SCN10A: variants seen among roughly 807,000 people sequenced by gnomAD.
SCN10A encodes sodium voltage-gated channel alpha subunit 10.
In SCN10A, 162 loss-of-function variants were observed where a neutral mutation model predicts 170.7. That is an observed-to-expected ratio of 0.95 (90% CI 0.84 to 1.08). The LOEUF (loss-of-function observed/expected upper bound fraction) is 1.08, where lower values mean the gene tolerates loss of function less well. Ranked by LOEUF, SCN10A falls within the 50% of genes least tolerant of loss-of-function variation. The pLI is 0.00. For synonymous variants in SCN10A, 985 were observed against 904.6 expected (o/e 1.09, Z -1.59); for missense variants, 2,527 against 2,436.9 (o/e 1.04, Z -0.78).
intron 27 of SCN10A, among the ~76,000 whole-genome samples, chr3:38,699,262 T>C (rs1210411401): frequency 6.6e-6 from 1 of 150,884 alleles, no homozygotes; most frequent in East Asian, 1.9e-4. Flanking sequence ...TGGAGATAGG[T>C]TTTTTTGGGG....
At chr3:38,781,744 G>A (rs1414843542) in intron 4 of SCN10A, among the ~76,000 whole-genome samples, 4 of 152,122 alleles carry the variant, frequency 2.6e-5, no homozygotes, top group Non-Finnish European at 4.4e-5. Flanking sequence ...TAATAAAGAT[G>A]TGTTTGAGCC....
At chr3:38,774,667 T>A (rs1236667595) in intron 4 of SCN10A, among the ~76,000 whole-genome samples, 1 of 152,232 alleles carries the variant, frequency 6.6e-6, no homozygotes, top group Non-Finnish European at 1.5e-5. Flanking sequence ...TCTGAATGGA[T>A]CACTGAGATA....
At position 38,696,946 on chromosome 3, in the gene SCN10A, CTGTA is replaced by C. The variant is rs1228421365; in HGVS notation, c.*399_*402del. Reference sequence around the variant, plus strand: ...AAATCCTAAATAATATTGCCAATCTCTGTATGGTGCTCCACAGAGGACTACCTTG... The same window carrying C: ...AAATCCTAAATAATATTGCCAATCTCTGGTGCTCCACAGAGGACTACCTTG... On this transcript the variant is annotated 3_prime_UTR_variant, in exon 28 of 28. Coordinates refer to ENST00000449082, the MANE Select transcript of SCN10A (RefSeq NM_006514.4). 6 of 212,324 alleles carry C rather than the reference CTGTA, an allele frequency of 2.8e-5. No individual in the cohort carries two copies. The highest frequency in any genetic ancestry group is 1.1e-4 in the African/African-American group (5 of 44,574). 13.2% of individuals were successfully genotyped at this position (212,324 alleles called of 1,614,324 possible).
At chr3:38,791,964 C>T (rs2064286918) in intron 3 of SCN10A, 86 bp downstream of exon 3, 1 of 1,511,464 alleles carries the variant, frequency 6.6e-7, no homozygotes, top group Non-Finnish European at 8.9e-7. Context: ...GATAAGGGCT[C>T]TGTTGCTAAC....
intron 27 of SCN10A, 99 bp from the exon 28 acceptor site, chr3:38,698,661 C>T: frequency 8.7e-7 from 1 of 1,145,474 alleles, no homozygotes; most frequent in Non-Finnish European, 1.3e-6. Context: ...TATAGACTGC[C>T]ACTTGGGCAT....
intron 4 of SCN10A, among the ~76,000 whole-genome samples, chr3:38,786,039 A>G (rs1484952064): frequency 6.6e-6 from 1 of 152,174 alleles, no homozygotes; most frequent in Non-Finnish European, 1.5e-5. Flanking sequence ...GGGAGTGTAA[A>G]TTAGTTCAAC....
At chr3:38,785,234 C>T (rs1204526467) in intron 4 of SCN10A, among the ~76,000 whole-genome samples, 1 of 152,156 alleles carries the variant, frequency 6.6e-6, no homozygotes, top group East Asian at 1.9e-4. Flanking sequence ...TCAAGCTATA[C>T]TACAAAGCTA....
At chr3:38,752,919 T>C (rs1285714805) in intron 11 of SCN10A, among the ~76,000 whole-genome samples, 2 of 152,200 alleles carry the variant, frequency 1.3e-5, no homozygotes, top group Non-Finnish European at 2.9e-5. Context: ...TGCACACCAG[T>C]ACTGGAACAT....
At chr3:38,713,714 C>G (rs143727515) in intron 22 of SCN10A, among the ~76,000 whole-genome samples, 4 of 152,070 alleles carry the variant, frequency 2.6e-5, no homozygotes, top group Admixed American at 1.3e-4. Flanking sequence ...TTTTTTGAGG[C>G]GGAGTCTCGC....
intron 15 of SCN10A, among the ~76,000 whole-genome samples, chr3:38,731,314 C>T (rs1199449504): frequency 6.6e-6 from 1 of 152,092 alleles, no homozygotes; most frequent in Admixed American, 6.5e-5. Flanking sequence ...GGCCAGAAGG[C>T]ACTTACTAAA....
chr3:38,766,903 C>T (rs900026129), intron 5 of SCN10A, among the ~76,000 whole-genome samples: 2 of 152,052 alleles, frequency 1.3e-5, no homozygotes, highest in African/African-American at 2.4e-5. Flanking sequence ...GTTTCAATCT[C>T]GCTACTTGTT....
intron 18 of SCN10A, 133 bp downstream of exon 18, chr3:38,725,041 G>C (rs1009968056): frequency 2.3e-5 from 18 of 770,440 alleles, no homozygotes; most frequent in African/African-American, 1.2e-4. Flanking sequence ...AAATTCCCAG[G>C]ATAAGAAATG....
intron 1 of SCN10A, among the ~76,000 whole-genome samples, chr3:38,800,043 T>C (rs889430731): frequency 1.3e-5 from 2 of 152,140 alleles, no homozygotes; most frequent in Non-Finnish European, 2.9e-5. Context: ...TCAGAAAGTT[T>C]GTCAGCCCTA....
rs772082757 is a variant in SCN10A, at chr3:38,697,738, TCTC to T, written c.5479_5481del (p.Glu1827del). 93 of 1,613,970 alleles carry T rather than the reference TCTC, an allele frequency of 5.8e-5. No individual in the cohort carries two copies. Among genetic ancestry groups the T allele is most frequent in the Non-Finnish European group, 6.3e-5 (74 of 1,180,022 alleles). ...TTTGAAAGATTAGTTGCCATAAACT[TCTC>T]CTCCATATTTGCCTTCAGAGAATCC... On this transcript the variant is annotated inframe_deletion, in exon 28 of 28. Coordinates refer to ENST00000449082, the MANE Select transcript of SCN10A (RefSeq NM_006514.4).
intron 1 of SCN10A, among the ~76,000 whole-genome samples, chr3:38,805,887 A>G (rs1319456079): frequency 6.6e-6 from 1 of 152,174 alleles, no homozygotes; most frequent in South Asian, 2.1e-4. Context: ...CAGAGATAAT[A>G]GCTAGGTAAT....
At chr3:38,789,566 T>C in intron 3 of SCN10A, among the ~76,000 whole-genome samples, 1 of 152,076 alleles carries the variant, frequency 6.6e-6, no homozygotes. Flanking sequence ...ATTAGTTTCA[T>C]CAGATTGTTT....
intron 15 of SCN10A, among the ~76,000 whole-genome samples, chr3:38,733,388 A>C (rs2063529771): frequency 6.6e-6 from 1 of 152,222 alleles, no homozygotes; most frequent in Non-Finnish European, 1.5e-5. Flanking sequence ...AGTTTTAGAG[A>C]TTGTCTGTAT....
Position 38,739,642 on chromosome 3 carries a change from GC to G in SCN10A, c.2152del (p.Ala718ProfsTer22). On this transcript the variant is annotated frameshift_variant, in exon 15 of 28. Coordinates refer to ENST00000449082, the MANE Select transcript of SCN10A (RefSeq NM_006514.4). LOFTEE classifies it high-confidence loss of function. ...FTAEMVFKIIAFDPYYYFQKK... is the reference protein window; with the variant it reads ...FTAEMVFKIIXFDPYYYFQKK... ...CTGGAAATAATAGTATGGGTCGAAG[GC>G]AATGATTTTGAAGACCATTTCAGCA... is the stretch of plus-strand genomic sequence containing the variant. The G allele has an allele frequency of 6.2e-7, 1 of 1,614,080 alleles. No individual in the cohort carries two copies. The highest frequency in any genetic ancestry group is 8.5e-7 in the Non-Finnish European group (1 of 1,179,960).
At position 38,702,551 on chromosome 3, in the gene SCN10A, T is replaced by C. The variant is rs992315521; in HGVS notation, c.4387-442A>G. On this transcript the variant is annotated intron_variant, in intron 26 of 27. Coordinates refer to ENST00000449082, the MANE Select transcript of SCN10A (RefSeq NM_006514.4). ...TAGCATTTTGTATATGCGTCTTCTC[T>C]ACTAGACAATGAGCTGTTTGAGGAC... 7.2e-5 allele frequency among the ~76,000 whole-genome samples: 11 copies of C among 152,250 alleles called. No homozygotes were observed. In the East Asian group the frequency reaches 2.1e-3, roughly 29 times the overall value.
Sources: gnomAD v4.1 joint callset for allele counts (sites outside exome capture counted in the v4.1 genomes callset) on GRCh38, gnomAD v4.1.1 for gene constraint, MANE v1.5 for transcripts, NCBI Gene and HGNC (gene_info 2026-07-23, HGNC 2026-07-21) for gene names.